Variants in ANKRD44 observed in about 807,000 individuals in gnomAD.
ANKRD44 encodes the protein ankyrin repeat domain 44.
A neutral mutation model predicts 116.0 loss-of-function variants in ANKRD44; 35 were observed. The observed-to-expected ratio is 0.30, with a 90% CI of 0.23 to 0.40. ANKRD44 has a LOEUF of 0.40. Among genes scored for constraint, ANKRD44 ranks in the 10% least tolerant of loss-of-function variants. The pLI is 1.00. For missense variants in ANKRD44, 1,014 were observed against 1,242.6 expected (o/e 0.82, Z 2.77); for synonymous variants, 435 against 461.8 (o/e 0.94, Z 0.74).
intron 16 of ANKRD44, among the ~76,000 whole-genome samples, chr2:197,030,524 C>T (rs144480270): frequency 4.1e-4 from 62 of 152,180 alleles, no homozygotes; most frequent in South Asian, 1.0e-3. Context: ...AGACTGTCCC[C>T]GAACATCAGC....
intron 16 of ANKRD44, among the ~76,000 whole-genome samples, chr2:197,060,124 T>C (rs1297923463): frequency 6.6e-6 from 1 of 152,180 alleles, no homozygotes; most frequent in Non-Finnish European, 1.5e-5. Flanking sequence ...TGGATAATGA[T>C]AAGAATAATA....
rs59993365 is a variant in ANKRD44, at chr2:197,103,318, G to T, written c.986-3388C>A. Among the ~76,000 whole-genome samples the T allele has an allele frequency of 5.9e-3, 896 of 151,814 alleles. 10 individuals are homozygous for T. Among genetic ancestry groups the T allele is most frequent in the African/African-American group, 0.021 (856 of 41,344 alleles). On this transcript the variant is annotated intron_variant, in intron 9 of 27. Coordinates refer to ENST00000282272, the MANE Select transcript of ANKRD44 (RefSeq NM_001195144.2). ...TTAGGGAGTCTTTCCCTATACCCTG[G>T]TAACAAAGAAATTGACACATGTTTT...
At chr2:197,262,069 TC>T (rs897295501) in intron 1 of ANKRD44, among the ~76,000 whole-genome samples, 4 of 152,196 alleles carry the variant, frequency 2.6e-5, no homozygotes, top group African/African-American at 9.7e-5. Context: ...ACAGCTTACT[TC>T]CTACCAGCCA....
At chr2:197,255,128 T>G (rs889757843) in intron 1 of ANKRD44, among the ~76,000 whole-genome samples, 1 of 152,188 alleles carries the variant, frequency 6.6e-6, no homozygotes, top group Non-Finnish European at 1.5e-5. Context: ...AGCCATATGT[T>G]CCACAACTAT....
chr2:197,089,911 G>A (rs2078004871), intron 11 of ANKRD44, 39 bp downstream of exon 11: 1 of 1,568,476 alleles, frequency 6.4e-7, no homozygotes, highest in South Asian at 1.1e-5. Flanking sequence ...TCATGTACAG[G>A]ACACATTAAG....
intron 1 of ANKRD44, among the ~76,000 whole-genome samples, chr2:197,233,258 T>A (rs1465885622): frequency 6.6e-6 from 1 of 152,216 alleles, no homozygotes; most frequent in African/African-American, 2.4e-5. Context: ...TACTTCCCCA[T>A]CACTCTTAAA....
At chr2:197,189,875 C>T (rs529890984) in intron 1 of ANKRD44, among the ~76,000 whole-genome samples, 4 of 152,238 alleles carry the variant, frequency 2.6e-5, no homozygotes, top group East Asian at 3.9e-4. Context: ...CTCCCAGTTG[C>T]GAGTGTACGG....
chr2:197,269,665 G>A (rs1488089628), intron 1 of ANKRD44, among the ~76,000 whole-genome samples: 1 of 152,142 alleles, frequency 6.6e-6, no homozygotes, highest in Non-Finnish European at 1.5e-5. Flanking sequence ...CCACCCTCTA[G>A]TTTATTGCCC....
intron 1 of ANKRD44, among the ~76,000 whole-genome samples, chr2:197,305,691 G>C (rs557887165): frequency 1.3e-5 from 2 of 152,146 alleles, no homozygotes; most frequent in South Asian, 2.1e-4. Flanking sequence ...GTTGGCTAAA[G>C]AGCCAATCAT....
At chr2:197,177,541 T>C (rs958574997) in intron 2 of ANKRD44, among the ~76,000 whole-genome samples, 1 of 152,214 alleles carries the variant, frequency 6.6e-6, no homozygotes, top group Non-Finnish European at 1.5e-5. Context: ...CAAATCTTTA[T>C]AGTAAAGCAA....
At chr2:197,200,330 G>T (rs6434916) in intron 1 of ANKRD44, among the ~76,000 whole-genome samples, 102,790 of 151,580 alleles carry the variant, frequency 0.68, 35,606 homozygotes, top group East Asian at 0.92. Context: ...CTTGAACAAG[G>T]CCTGAACATG....
chr2:197,020,251 T>C (rs914781860), intron 17 of ANKRD44, among the ~76,000 whole-genome samples: 1 of 152,188 alleles, frequency 6.6e-6, no homozygotes, highest in Non-Finnish European at 1.5e-5. Context: ...GGACTTAACT[T>C]GCTTAAGTTA....
intron 16 of ANKRD44, among the ~76,000 whole-genome samples, chr2:197,034,575 A>C (rs2076774374): frequency 4.0e-5 from 6 of 151,556 alleles, no homozygotes; most frequent in Admixed American, 4.0e-4. Context: ...TGTCTGCCTT[A>C]ATAATAAGGC....
At chr2:196,982,976 A>G (rs1431888800), downstream of ANKRD44, among the ~76,000 whole-genome samples, 3 of 152,258 alleles carry the variant, frequency 2.0e-5, no homozygotes, top group East Asian at 5.8e-4. Context: ...GAGTTGAACA[A>G]TGGGAACACA....
chr2:197,095,168 A>G (rs2078132545), intron 10 of ANKRD44, among the ~76,000 whole-genome samples: 1 of 152,226 alleles, frequency 6.6e-6, no homozygotes, highest in Non-Finnish European at 1.5e-5. Context: ...TTTCTATGAT[A>G]ATCTAAAACA....
chr2:197,231,112 G>A (rs578104208), intron 1 of ANKRD44, among the ~76,000 whole-genome samples: 13 of 152,204 alleles, frequency 8.5e-5, no homozygotes, highest in African/African-American at 7.2e-5. Context: ...TGGCAGATGC[G>A]GTGCTTCTTA....
At chr2:197,246,616 G>A (rs1275571675) in intron 1 of ANKRD44, among the ~76,000 whole-genome samples, 8 of 151,730 alleles carry the variant, frequency 5.3e-5, no homozygotes, top group Non-Finnish European at 2.9e-5. Flanking sequence ...AACCCCCTAT[G>A]CAATCTTTTC....
At chr2:197,178,992 G>T (rs2080437704) in intron 2 of ANKRD44, among the ~76,000 whole-genome samples, 1 of 152,066 alleles carries the variant, frequency 6.6e-6, no homozygotes, top group African/African-American at 2.4e-5. Context: ...GATCACTTGA[G>T]CCCAGGAGTT....
At chr2:197,041,703 C>T (rs1041710688) in intron 16 of ANKRD44, among the ~76,000 whole-genome samples, 9 of 152,140 alleles carry the variant, frequency 5.9e-5, no homozygotes, top group Admixed American at 2.0e-4. Flanking sequence ...TACAGGGAAC[C>T]TCACTCCAGC....
Sources: gnomAD v4.1 joint callset for allele counts (sites outside exome capture counted in the v4.1 genomes callset) on GRCh38, gnomAD v4.1.1 for gene constraint, MANE v1.5 for transcripts, NCBI Gene and HGNC (gene_info 2026-07-23, HGNC 2026-07-21) for gene names.